Variants in SLC35F6 observed in about 807,000 individuals in gnomAD.
SLC35F6 encodes solute carrier family 35 member F6, also known as ANT2-binding protein.
SLC35F6 carries 26 observed loss-of-function variants against 29.4 expected under a neutral mutation model. The ratio of observed to expected loss-of-function variants is 0.89; its 90% CI spans 0.65 to 1.23. The LOEUF (loss-of-function observed/expected upper bound fraction) is 1.23, where lower values mean the gene tolerates loss of function less well. Ranked by LOEUF, SLC35F6 falls within the 50% of genes most tolerant of loss-of-function variation. The pLI, the probability that SLC35F6 is intolerant of heterozygous loss-of-function variation, is 0.00. For missense variants in SLC35F6, 428 were observed against 487.8 expected (o/e 0.88, Z 1.15); for synonymous variants, 174 against 206.6 (o/e 0.84, Z 1.35).
chr2:26,765,161 A>C (rs2148053476), intron 1 of SLC35F6, among the ~76,000 whole-genome samples: 1 of 152,356 alleles, frequency 6.6e-6, no homozygotes, highest in Non-Finnish European at 1.5e-5. Flanking sequence ...GGCAGTGAGA[A>C]GAGAAAGGAA....
At position 26,775,755 on chromosome 2, in the gene SLC35F6, C is replaced by T. The variant is rs1664288653; in HGVS notation, c.535+79C>T. The T allele has an allele frequency of 7.0e-7, 1 of 1,434,890 alleles. No homozygotes were observed. The highest frequency in any genetic ancestry group is 2.4e-5 in the Admixed American group (1 of 42,282). 88.9% of individuals were successfully genotyped at this position (1,434,890 alleles called of 1,614,324 possible). A position where few individuals can be genotyped will look rare whatever the true frequency, so the allele number is the denominator to read the frequency against. ...GGAGCCCAGCACAGACTCATACAAGCTCTGCCATGTGCCATATACCAAGCC... is the reference window on the plus strand; with the variant it reads ...GGAGCCCAGCACAGACTCATACAAGTTCTGCCATGTGCCATATACCAAGCC... On this transcript the variant is annotated intron_variant, in intron 4 of 5. Coordinates refer to ENST00000344420, the MANE Select transcript of SLC35F6 (RefSeq NM_017877.4). This position sits in a 1 kb window ranked among gnomAD's most constrained non-coding sequence, Gnocchi z 4.6.
chr2:26,777,485 T>C (rs931971688), intron 5 of SLC35F6, among the ~76,000 whole-genome samples: 5 of 152,332 alleles, frequency 3.3e-5, no homozygotes, highest in African/African-American at 1.2e-4. Flanking sequence ...AGAATGTGAA[T>C]TAGCTATATC....
In SLC35F6 at chr2:26,778,078, T is replaced by G; in HGVS notation, c.683T>G (p.Val228Gly). Reference protein sequence around the residue: ...FGFVILSLLLVPMYYIPAGSF... With the variant: ...FGFVILSLLLGPMYYIPAGSF... Reference sequence around the variant, plus strand: ...TTTGTGATCCTCTCCCTGCTGCTGGTGCCCATGTACTACATCCCCGCCGGC... The same window carrying G: ...TTTGTGATCCTCTCCCTGCTGCTGGGGCCCATGTACTACATCCCCGCCGGC... The change falls in exon 6 of 6, where the codon GTG becomes GGG. Residue 228 changes from valine (V) to glycine (G), a missense_variant. Transcript: ENST00000344420. 6.2e-7 allele frequency: 1 copy of G among 1,613,066 alleles called. No individual in the cohort carries two copies. The highest frequency in any genetic ancestry group is 8.5e-7 in the Non-Finnish European group (1 of 1,179,086).
Position 26,775,715 on chromosome 2 carries a change from G to C in SLC35F6, c.535+39G>C. 1 of 1,516,168 alleles carries C rather than the reference G, an allele frequency of 6.6e-7. No homozygotes were observed. The highest frequency in any genetic ancestry group is 8.8e-7 in the Non-Finnish European group (1 of 1,133,530). The allele number at this position is 1,516,168 out of a possible 1,614,324, so 93.9% of individuals were successfully genotyped here. Reference sequence around the variant, plus strand: ...CAGGGACACGGGGCTGCCCTATCCTGCCCTGTCCTCCTTGGGAGCCCAGCA... The same window carrying C: ...CAGGGACACGGGGCTGCCCTATCCTCCCCTGTCCTCCTTGGGAGCCCAGCA... On this transcript the variant is annotated intron_variant, in intron 4 of 5. Transcript: ENST00000344420. This position sits in a 1 kb window ranked among gnomAD's most constrained non-coding sequence, Gnocchi z 4.6.
intron 5 of SLC35F6, among the ~76,000 whole-genome samples, chr2:26,777,351 G>A (rs1664319334): frequency 6.6e-6 from 1 of 152,224 alleles, no homozygotes; most frequent in Non-Finnish European, 1.5e-5. Flanking sequence ...TTTTGAGCAG[G>A]GAAGTAAGTA....
chr2:26,779,536 T>C lies in SLC35F6; in HGVS notation c.*1025T>C, dbSNP rs918300332. ...TGCTGTTTTTTTTGTTGTTTGTTTG[T>C]TTCTTCTTTTTGAGACAGAGTCTTG... is the stretch of plus-strand genomic sequence containing the variant. On this transcript the variant is annotated 3_prime_UTR_variant, in exon 6 of 6. Transcript: ENST00000344420. 2.0e-5 allele frequency: 3 copies of C among 152,336 alleles called. No individual in the cohort carries two copies. The highest frequency in any genetic ancestry group is 7.2e-5 in the African/African-American group (3 of 41,420). The allele number at this position is 152,336 out of a possible 1,614,324, so 9.4% of individuals were successfully genotyped here.
Position 26,775,699 on chromosome 2 carries a change from G to T in SLC35F6, c.535+23G>T. 6.5e-7 allele frequency: 1 copy of T among 1,541,554 alleles called. No homozygotes were observed. Among genetic ancestry groups the T allele is most frequent in the East Asian group, 2.4e-5 (1 of 41,364 alleles). Reference sequence around the variant, plus strand: ...CAGGTGCGGCCAGGGGCAGGGACACGGGGCTGCCCTATCCTGCCCTGTCCT... The same window carrying T: ...CAGGTGCGGCCAGGGGCAGGGACACTGGGCTGCCCTATCCTGCCCTGTCCT... On this transcript the variant is annotated intron_variant, in intron 4 of 5. Transcript: ENST00000344420. This position sits in a 1 kb window ranked among gnomAD's most constrained non-coding sequence, Gnocchi z 4.6.
chr2:26,772,184 C>G (rs546468835), intron 1 of SLC35F6, among the ~76,000 whole-genome samples: 1 of 152,288 alleles, frequency 6.6e-6, no homozygotes, highest in Non-Finnish European at 1.5e-5. Flanking sequence ...TGGACAGGGA[C>G]TTTGTCAAAC....
chr2:26,769,058 C>T (rs1664143963), intron 1 of SLC35F6, among the ~76,000 whole-genome samples: 1 of 152,182 alleles, frequency 6.6e-6, no homozygotes, highest in Admixed American at 6.5e-5. Flanking sequence ...TTCTGTAGGT[C>T]CCAGGCAGGA....
rs1214909206 is a variant in SLC35F6, at chr2:26,778,235, C to T, written c.840C>T (p.Gly280=). The change falls in exon 6 of 6, where the codon GGC becomes GGT. Residue 280 remains glycine, a synonymous_variant. Coordinates refer to ENST00000344420, the MANE Select transcript of SLC35F6 (RefSeq NM_017877.4). ...ISSIAFFNFA[G]ISVTKELSAT... The stretch of plus-strand genomic sequence containing the variant: ...GCATTGCCTTCTTCAACTTCGCAGG[C>T]ATCAGCGTCACCAAGGAACTGAGCG... 6.2e-7 allele frequency: 1 copy of T among 1,614,182 alleles called. No homozygotes were observed. Among genetic ancestry groups the T allele is most frequent in the South Asian group, 1.1e-5 (1 of 91,088 alleles).
At chr2:26,773,546 T>TAAATTGAA (rs1664240177) in intron 1 of SLC35F6, among the ~76,000 whole-genome samples, 1 of 148,424 alleles carries the variant, frequency 6.7e-6, no homozygotes, top group African/African-American at 2.5e-5. Flanking sequence ...AGAAGTCAAT[T>TAAATTGAA]AAATTGAAAT....
Position 26,775,071 on chromosome 2 carries a change from T to C in SLC35F6, c.178T>C (p.Ser60Pro). Reference sequence around the variant, plus strand: ...AGTGGGCATGTTCCTGGGAGAATTCTCCTGCCTGGCTGCCTTCTACCTCCT... The same window carrying C: ...AGTGGGCATGTTCCTGGGAGAATTCCCCTGCCTGGCTGCCTTCTACCTCCT... ...QAVGMFLGEF[S>P]CLAAFYLLRC... The change falls in exon 3 of 6, where the codon TCC becomes CCC. Residue 60 changes from serine (S) to proline (P), a missense_variant. By Grantham distance (74) the Ser-to-Pro change is moderately conservative. Transcript: ENST00000344420. The surrounding 1 kb of genome is among the most constrained non-coding windows in gnomAD (Gnocchi z 4.6). The C allele has an allele frequency of 6.2e-7, 1 of 1,614,068 alleles. No homozygotes were observed. The highest frequency in any genetic ancestry group is 8.5e-7 in the Non-Finnish European group (1 of 1,179,986).
intron 1 of SLC35F6, among the ~76,000 whole-genome samples, chr2:26,773,879 C>T (rs569597893): frequency 5.3e-5 from 8 of 152,224 alleles, no homozygotes; most frequent in East Asian, 1.9e-4. Context: ...CCCAAAGTGT[C>T]GGGATTACAG....
rs778144478 is a variant in SLC35F6, at chr2:26,778,714, C to T, written c.*203C>T. 18 of 584,484 alleles carry T rather than the reference C, an allele frequency of 3.1e-5. No homozygotes were observed. Among genetic ancestry groups the T allele is most frequent in the Non-Finnish European group, 5.4e-5 (18 of 334,740 alleles). The allele number at this position is 584,484 out of a possible 1,614,324, so 36.2% of individuals were successfully genotyped here. The stretch of plus-strand genomic sequence containing the variant: ...CTACCACCTGCAGGGTGGTGTTACC[C>T]AGCCCCCACAAGCCTGAGTGCAGTG... On this transcript the variant is annotated 3_prime_UTR_variant, in exon 6 of 6. Transcript: ENST00000344420.
At position 26,781,110 on chromosome 2, in the gene SLC35F6, G is replaced by T. The variant is rs891892935; in HGVS notation, c.*2599G>T. 2 of 152,010 alleles carry T rather than the reference G, an allele frequency of 1.3e-5. No homozygotes were observed. The highest frequency in any genetic ancestry group is 2.9e-5 in the Non-Finnish European group (2 of 68,016). The allele number at this position is 152,010 out of a possible 1,614,324, so 9.4% of individuals were successfully genotyped here. A position where few individuals can be genotyped will look rare whatever the true frequency, so the allele number is the denominator to read the frequency against. ...CTGGGATCTTAAAAGTGTTATTTTG[G>T]CTTTTATTTTTTAAAAAAAGAAAAG... On this transcript the variant is annotated 3_prime_UTR_variant, in exon 6 of 6. Transcript: ENST00000344420.
chr2:26,772,108 A>G (rs564274151), intron 1 of SLC35F6, among the ~76,000 whole-genome samples: 5 of 152,256 alleles, frequency 3.3e-5, no homozygotes, highest in African/African-American at 9.6e-5. Context: ...GTCTCTCACT[A>G]TGGAATAGGT....
chr2:26,769,327 C>A (rs561501263), intron 1 of SLC35F6, among the ~76,000 whole-genome samples: 1 of 152,362 alleles, frequency 6.6e-6, no homozygotes, highest in South Asian at 2.1e-4. Flanking sequence ...AAAGGAGCGG[C>A]CTCAGCTTGT....
intron 1 of SLC35F6, 27 bp downstream of exon 1, chr2:26,764,453 G>A (rs1664057756): frequency 1.3e-6 from 2 of 1,550,458 alleles, no homozygotes; most frequent in Middle Eastern, 1.7e-4. Flanking sequence ...CCGGGCGTGC[G>A]GGCCCTGGCG....
chr2:26,764,998 G>A, intron 1 of SLC35F6: 1 of 985,464 alleles, frequency 1.0e-6, no homozygotes, highest in Non-Finnish European at 1.2e-6. Flanking sequence ...CAAATGCCCA[G>A]GTTAGATTTT....
Sources: gnomAD v4.1 joint callset for allele counts (sites outside exome capture counted in the v4.1 genomes callset) on GRCh38, gnomAD v4.1.1 for gene constraint, Gnocchi (gnomAD v3.1) non-coding constraint, MANE v1.5 for transcripts, NCBI Gene and HGNC (gene_info 2026-07-23, HGNC 2026-07-21) for gene names.